Variants in MAP2 observed in about 807,000 individuals in gnomAD.
MAP2 encodes the protein microtubule associated protein 2, also known as microtubule-associated protein 2.
In MAP2, 14 loss-of-function variants were observed where a neutral mutation model predicts 137.6. The ratio of observed to expected loss-of-function variants is 0.10; its 90% CI spans 0.07 to 0.16. The LOEUF (loss-of-function observed/expected upper bound fraction) is 0.16. Ranked by LOEUF, MAP2 falls within the 10% of genes least tolerant of loss-of-function variation. The pLI, the probability that MAP2 is intolerant of heterozygous loss-of-function variation, is 1.00. For synonymous variants in MAP2, 786 were observed against 782.3 expected (o/e 1.00, Z -0.08); for missense variants, 2,088 against 2,191.5 (o/e 0.95, Z 0.94).
chr2:209,622,383 G>T (rs2091407293), intron 3 of MAP2, among the ~76,000 whole-genome samples: 1 of 152,176 alleles, frequency 6.6e-6, no homozygotes, highest in Non-Finnish European at 1.5e-5. Flanking sequence ...TTGGTATGTA[G>T]CTAAAAGATT....
At chr2:209,678,791 C>A in intron 6 of MAP2, 106 bp downstream of exon 6, 1 of 529,186 alleles carries the variant, frequency 1.9e-6, no homozygotes, top group Non-Finnish European at 3.3e-6. Flanking sequence ...TTCATCCTTA[C>A]ATGTAACATT....
chr2:209,686,330 T>G (rs1220189858), intron 7 of MAP2, among the ~76,000 whole-genome samples: 1 of 152,240 alleles, frequency 6.6e-6, no homozygotes, highest in East Asian at 1.9e-4. Context: ...GTATTCTCTC[T>G]ACAAAATGTT....
At chr2:209,600,973 A>G (rs2082813526) in intron 3 of MAP2, among the ~76,000 whole-genome samples, 1 of 152,208 alleles carries the variant, frequency 6.6e-6, no homozygotes. Context: ...TGAGAGGCTA[A>G]TAGCTTGGGT....
Position 209,573,298 on chromosome 2 carries a change from G to GGTTTTTTTTTTTTTTTT in MAP2, c.-171-6738_-171-6737insGTTTTTTTTTTTTTTTT, listed in dbSNP as rs770132978. ...TTCTTTTCTTTATTTTTCTTTTTCT[G>GGTTTTTTTTTTTTTTTT]TTTTTTTTTTTTTTTTGAGGAGTCT... On this transcript the variant is annotated intron_variant, in intron 2 of 15. Coordinates refer to ENST00000682079, the MANE Select transcript of MAP2 (RefSeq NM_001375505.1). 3.5e-3 allele frequency among the ~76,000 whole-genome samples: 414 copies of GGTTTTTTTTTTTTTTTT among 119,974 alleles called. 10 individuals are homozygous for GGTTTTTTTTTTTTTTTT. Among genetic ancestry groups the GGTTTTTTTTTTTTTTTT allele is most frequent in the African/African-American group, 0.013 (392 of 30,106 alleles). 78.7% of individuals were successfully genotyped at this position (119,974 alleles called of 152,430 possible). A position where few individuals can be genotyped will look rare whatever the true frequency, so the allele number is the denominator to read the frequency against.
At chr2:209,648,732 T>A (rs1559480370) in intron 4 of MAP2, among the ~76,000 whole-genome samples, 1 of 138,062 alleles carries the variant, frequency 7.2e-6, no homozygotes, top group Non-Finnish European at 1.5e-5. Flanking sequence ...GAGGTTGCAG[T>A]GAGCCGAGAT....
At chr2:209,633,649 G>A (rs1294065432) in intron 4 of MAP2, among the ~76,000 whole-genome samples, 2 of 152,054 alleles carry the variant, frequency 1.3e-5, no homozygotes, top group African/African-American at 2.4e-5. Flanking sequence ...GTAGGGAAGG[G>A]GGTTTGTTTT....
chr2:209,685,256 C>T (rs971692719), intron 7 of MAP2, among the ~76,000 whole-genome samples: 10 of 151,994 alleles, frequency 6.6e-5, no homozygotes, highest in African/African-American at 2.4e-4. Context: ...TTGTTACAAG[C>T]TACTATACTA....
intron 1 of MAP2, among the ~76,000 whole-genome samples, chr2:209,486,005 AT>A (rs1447045829): frequency 6.6e-6 from 1 of 152,134 alleles, no homozygotes; most frequent in African/African-American, 2.4e-5. Context: ...GTCTAACCTC[AT>A]ACCCTGCTTT....
chr2:209,708,011 G>C (rs934457913), intron 12 of MAP2, among the ~76,000 whole-genome samples: 1 of 152,102 alleles, frequency 6.6e-6, no homozygotes, highest in African/African-American at 2.4e-5. Context: ...ACTGTTTTCA[G>C]CTCACATGAA....
intron 3 of MAP2, among the ~76,000 whole-genome samples, chr2:209,618,055 G>A (rs1412637920): frequency 1.3e-5 from 2 of 152,006 alleles, no homozygotes; most frequent in African/African-American, 4.8e-5. Context: ...ATATATTGTA[G>A]TTTACATGAA....
chr2:209,727,304 T>C (rs935140765), intron 14 of MAP2, among the ~76,000 whole-genome samples: 1 of 152,242 alleles, frequency 6.6e-6, no homozygotes, highest in Non-Finnish European at 1.5e-5. Context: ...TTTGTACTGC[T>C]GTGTCAACAG....
chr2:209,705,483 A>G, intron 11 of MAP2, 97 bp from the exon 12 acceptor site: 1 of 979,804 alleles, frequency 1.0e-6, no homozygotes, highest in Non-Finnish European at 1.4e-6. Context: ...AAAGAAATTC[A>G]TTTATTAGCA....
chr2:209,505,326 A>G (rs2060898938), intron 1 of MAP2, among the ~76,000 whole-genome samples: 1 of 152,156 alleles, frequency 6.6e-6, no homozygotes, highest in Non-Finnish European at 1.5e-5. Flanking sequence ...TTGAAAGCAA[A>G]TCTATTTTTA....
At chr2:209,496,376 A>G (rs1036257470) in intron 1 of MAP2, among the ~76,000 whole-genome samples, 1 of 152,224 alleles carries the variant, frequency 6.6e-6, no homozygotes, top group Non-Finnish European at 1.5e-5. Context: ...GTCAAGGCAA[A>G]GTGTGATTAA....
At chr2:209,619,259 G>A (rs75810723) in intron 3 of MAP2, among the ~76,000 whole-genome samples, 1,708 of 152,160 alleles carry the variant, frequency 0.011, 32 homozygotes, top group African/African-American at 0.04. Flanking sequence ...CCTGAAAAAT[G>A]TTAACAGAAT....
Position 209,730,386 on chromosome 2 carries a change from C to G in MAP2, c.5473C>G (p.Gln1825Glu). The change falls in exon 16 of 16, where the codon CAG (glutamine) becomes GAG (glutamate). Residue 1825 changes from glutamine to glutamate, a missense_variant. Transcript: ENST00000682079. ...AEDVTAALAK[Q>E]GL is the part of the protein sequence containing the mutation. ...GGATGTCACTGCTGCACTCGCTAAG[C>G]AGGGCTTGTGAATATTTCTCATTTA... 1 of 1,613,154 alleles carries G rather than the reference C, an allele frequency of 6.2e-7. No individual in the cohort carries two copies. The highest frequency in any genetic ancestry group is 8.5e-7 in the Non-Finnish European group (1 of 1,179,346).
intron 3 of MAP2, among the ~76,000 whole-genome samples, chr2:209,614,539 C>T (rs1382627484): frequency 6.6e-6 from 1 of 152,062 alleles, no homozygotes; most frequent in Admixed American, 6.6e-5. Context: ...ATTTCCAGAA[C>T]ACTTGGGAGT....
At chr2:209,712,064 T>C (rs1220013658) in intron 13 of MAP2, among the ~76,000 whole-genome samples, 3 of 152,106 alleles carry the variant, frequency 2.0e-5, no homozygotes, top group Admixed American at 2.0e-4. Context: ...AATTTTATAA[T>C]ATATGATTTT....
chr2:209,710,450 C>A, intron 13 of MAP2, 196 bp downstream of exon 13: 1 of 565,420 alleles, frequency 1.8e-6, no homozygotes, highest in Non-Finnish European at 3.1e-6. Context: ...ATGCCCATTC[C>A]TTCTGTTTGT....
Sources: allele counts gnomAD v4.1 joint callset (sites outside exome capture counted in the v4.1 genomes callset), GRCh38; gene constraint gnomAD v4.1.1; transcripts MANE v1.5; gene names NCBI Gene and HGNC (gene_info 2026-07-23, HGNC 2026-07-21).